TRIM24: variants seen among roughly 807,000 people sequenced by gnomAD.
TRIM24 encodes tripartite motif containing 24.
In TRIM24, 29 loss-of-function variants were observed where a neutral mutation model predicts 123.9. The observed-to-expected ratio is 0.23, with a 90% CI of 0.17 to 0.32. The LOEUF is 0.32. TRIM24 is among the 10% of genes least tolerant of loss of function. TRIM24 has a pLI of 1.00. For synonymous variants in TRIM24, 456 were observed against 461.1 expected (o/e 0.99, Z 0.14); for missense variants, 932 against 1,295.3 (o/e 0.72, Z 4.31).
At chr7:138,507,249 C>T (rs541541786) in intron 2 of TRIM24, among the ~76,000 whole-genome samples, 9 of 152,046 alleles carry the variant, frequency 5.9e-5, no homozygotes, top group African/African-American at 1.2e-4. Context: ...ATGGACCCAT[C>T]GCCTAGATCA....
At chr7:138,541,730 A>G (rs976080306) in intron 7 of TRIM24, among the ~76,000 whole-genome samples, 4 of 152,198 alleles carry the variant, frequency 2.6e-5, no homozygotes, top group Admixed American at 2.6e-4. Flanking sequence ...AAATTTCTAG[A>G]TGGCATCATC....
rs1798066294 is a variant in TRIM24, at chr7:138,589,212, T to C, written c.*4261T>C. The C allele has an allele frequency of 6.6e-6, 1 of 152,220 alleles. No homozygotes were observed. The highest frequency in any genetic ancestry group is 2.1e-4 in the South Asian group (1 of 4,836). 9.4% of individuals were successfully genotyped at this position (152,220 alleles called of 1,614,324 possible). On this transcript the variant is annotated 3_prime_UTR_variant, in exon 19 of 19. Coordinates refer to ENST00000343526, the MANE Select transcript of TRIM24 (RefSeq NM_015905.3). ...TGTTGTAATTCACATACTGGTGTCA[T>C]GTTTCTGAGTGAGAATAATGCTAGT...
Position 138,586,516 on chromosome 7 carries a change from A to ATTGT in TRIM24, c.*1568_*1571dup, listed in dbSNP as rs1798022228. ...AATAACTTGTTAGCAATAGATCCCC[A>ATTGT]TTGTTTATATATATAGGTCTTGTTC... On this transcript the variant is annotated 3_prime_UTR_variant, in exon 19 of 19. Transcript: ENST00000343526. 1.3e-5 allele frequency: 2 copies of ATTGT among 152,432 alleles called. No homozygotes were observed. The highest frequency in any genetic ancestry group is 1.3e-4 in the Admixed American group (2 of 15,350). The allele number at this position is 152,432 out of a possible 1,614,324, so 9.4% of individuals were successfully genotyped here.
intron 6 of TRIM24, among the ~76,000 whole-genome samples, chr7:138,531,193 A>G (rs537836010): frequency 1.9e-4 from 8 of 42,374 alleles, no homozygotes; most frequent in African/African-American, 9.4e-4. Flanking sequence ...GTATATGTAT[A>G]CATGTATACA....
At chr7:138,488,693 T>A (rs1228531033) in intron 1 of TRIM24, among the ~76,000 whole-genome samples, 1 of 152,244 alleles carries the variant, frequency 6.6e-6, no homozygotes, top group African/African-American at 2.4e-5. Flanking sequence ...TCTAATTTGA[T>A]TGCACAGTGG....
chr7:138,555,029 CA>C, intron 9 of TRIM24, 63 bp downstream of exon 9: 1 of 1,484,716 alleles, frequency 6.7e-7, no homozygotes, highest in Non-Finnish European at 9.2e-7. Context: ...TTTAGCAGCT[CA>C]AAATAACAAA....
In TRIM24 at chr7:138,586,924, C is replaced by A. The variant is rs1356871326; in HGVS notation, c.*1973C>A. 6.6e-6 allele frequency: 1 copy of A among 152,136 alleles called. No individual in the cohort carries two copies. Among genetic ancestry groups the A allele is most frequent in the Non-Finnish European group, 1.5e-5 (1 of 68,028 alleles). The allele number at this position is 152,136 out of a possible 1,614,324, so 9.4% of individuals were successfully genotyped here. On this transcript the variant is annotated 3_prime_UTR_variant, in exon 19 of 19. Transcript: ENST00000343526. ...AATTTCCTAAATGTGACTAATGAACCCCAAACTGTCACTATTACATTCAGT... is the reference window on the plus strand; with the variant it reads ...AATTTCCTAAATGTGACTAATGAACACCAAACTGTCACTATTACATTCAGT...
intron 6 of TRIM24, 63 bp downstream of exon 6, chr7:138,529,293 G>A (rs1584720882): frequency 2.3e-6 from 2 of 862,640 alleles, no homozygotes; most frequent in Middle Eastern, 2.4e-4. Flanking sequence ...GTACTGTGAA[G>A]TAGAAATCAT....
At chr7:138,560,683 T>C (rs766831940) in intron 9 of TRIM24, among the ~76,000 whole-genome samples, 56 of 152,184 alleles carry the variant, frequency 3.7e-4, no homozygotes, top group Non-Finnish European at 5.3e-4. Context: ...CTTGATGGAA[T>C]TGTCTTACAA....
At chr7:138,506,957 A>ATG (rs1796164031) in intron 2 of TRIM24, among the ~76,000 whole-genome samples, 1 of 152,198 alleles carries the variant, frequency 6.6e-6, no homozygotes, top group South Asian at 2.1e-4. Flanking sequence ...AGAACTTGAT[A>ATG]TGCCTGATTG....
chr7:138,534,564 C>T (rs970802393), intron 6 of TRIM24, among the ~76,000 whole-genome samples: 3 of 152,172 alleles, frequency 2.0e-5, no homozygotes, highest in Non-Finnish European at 2.9e-5. Flanking sequence ...TTTGATTGCA[C>T]TGTAGTCTGA....
intron 1 of TRIM24, among the ~76,000 whole-genome samples, chr7:138,482,303 C>A (rs1795546416): frequency 6.6e-6 from 1 of 152,026 alleles, no homozygotes; most frequent in Admixed American, 6.6e-5. Flanking sequence ...TTACCAATAC[C>A]TGTAATTATT....
At chr7:138,478,988 G>T (rs1795466785) in intron 1 of TRIM24, among the ~76,000 whole-genome samples, 1 of 152,098 alleles carries the variant, frequency 6.6e-6, no homozygotes, top group Non-Finnish European at 1.5e-5. Context: ...CTCCATCCTT[G>T]ACTTTTTAAA....
At chr7:138,479,908 C>T (rs761279857) in intron 1 of TRIM24, among the ~76,000 whole-genome samples, 4 of 151,762 alleles carry the variant, frequency 2.6e-5, no homozygotes, top group African/African-American at 4.8e-5. Flanking sequence ...CAGCTTCTGC[C>T]CCCGGGTTCA....
rs769076795 is a variant in TRIM24, at chr7:138,460,587, A to G, written c.39A>G (p.Ala13=). The change falls in exon 1 of 19, where the codon GCA becomes GCG. Residue 13 remains alanine (A), a synonymous_variant. Transcript: ENST00000343526. ...VAVEKAVAAA[A]AASAAASGGP... ...TGGAGAAGGCGGTGGCGGCGGCGGC[A>G]GCGGCCTCGGCTGCGGCCTCCGGGG... The G allele has an allele frequency of 3.5e-5, 46 of 1,316,980 alleles. No homozygotes were observed. The South Asian group carries it at 9.2e-4, about 26-fold the overall frequency. The allele number at this position is 1,316,980 out of a possible 1,614,324, so 81.6% of individuals were successfully genotyped here. A position where few individuals can be genotyped will look rare whatever the true frequency, so the allele number is the denominator to read the frequency against.
chr7:138,580,298 T>A (rs1441279813), intron 15 of TRIM24, among the ~76,000 whole-genome samples: 1 of 152,224 alleles, frequency 6.6e-6, no homozygotes, highest in Admixed American at 6.5e-5. Context: ...TAAATTTGTT[T>A]AGGTGTTTCT....
intron 1 of TRIM24, among the ~76,000 whole-genome samples, chr7:138,469,455 C>A (rs1173239620): frequency 6.6e-6 from 1 of 151,786 alleles, no homozygotes; most frequent in Non-Finnish European, 1.5e-5. Flanking sequence ...ATTACAGGCA[C>A]ACACCACCAC....
intron 6 of TRIM24, among the ~76,000 whole-genome samples, chr7:138,537,387 T>G (rs1000567525): frequency 8.0e-6 from 1 of 125,468 alleles, no homozygotes; most frequent in African/African-American, 3.1e-5. Context: ...TTGTTTTTTT[T>G]TTTTTTTTTT....
rs1277155075 is a variant in TRIM24 at position 138,460,292 on chromosome 7, G to T, written c.-257G>T. The stretch of plus-strand genomic sequence containing the variant: ...CGAGCGCCTCGGCGGTTGGCGAAGC[G>T]GACGGGGTGCAGCCTCCCCGGTGCG... On this transcript the variant is annotated 5_prime_UTR_variant, in exon 1 of 19. Coordinates refer to ENST00000343526, the MANE Select transcript of TRIM24 (RefSeq NM_015905.3). 1 of 380,970 alleles carries T rather than the reference G, an allele frequency of 2.6e-6. No individual in the cohort carries two copies. Among genetic ancestry groups the T allele is most frequent in the Non-Finnish European group, 4.6e-6 (1 of 216,396 alleles). The allele number at this position is 380,970 out of a possible 1,614,324, so 23.6% of individuals were successfully genotyped here. A position where few individuals can be genotyped will look rare whatever the true frequency, so the allele number is the denominator to read the frequency against.
Sources: allele counts gnomAD v4.1 joint callset (sites outside exome capture counted in the v4.1 genomes callset), GRCh38; gene constraint gnomAD v4.1.1; transcripts MANE v1.5; gene names NCBI Gene and HGNC (gene_info 2026-07-23, HGNC 2026-07-21).